The following NDST4 variants were observed in gnomAD, a reference collection of about 807,000 sequenced individuals.
The protein encoded by NDST4 is N-heparan sulfate sulfotransferase 4.
In NDST4, 63 loss-of-function variants were observed where a neutral mutation model predicts 100.8. The observed-to-expected ratio is 0.62, with a 90% confidence interval of 0.51 to 0.77. The LOEUF (loss-of-function observed/expected upper bound fraction) is 0.77, where lower values mean the gene tolerates loss of function less well. Among genes scored for constraint, NDST4 ranks in the 30% least tolerant of loss-of-function variants. The pLI is 0.00. For missense variants in NDST4, 943 were observed against 1,018.4 expected, an observed-to-expected ratio of 0.93 and a Z score of 1.01; for synonymous variants, 377 against 361.8, an observed-to-expected ratio of 1.04 and a Z score of -0.48.
chr4:114,884,153 A>G (rs1303590133), intron 6 of NDST4, among the ~76,000 whole-genome samples: 1 of 152,092 alleles, frequency 6.6e-6, no homozygotes, highest in South Asian at 2.1e-4. Flanking sequence ...TGCTGCCCAG[A>G]GCTGACGCTG....
At chr4:114,847,846 GATTT>G in intron 9 of NDST4, among the ~76,000 whole-genome samples, 1 of 152,228 alleles carries the variant, frequency 6.6e-6, no homozygotes. Flanking sequence ...ATAAACTACT[GATTT>G]ATTTGTTGCC....
At chr4:115,025,728 G>T (rs1462954694) in intron 2 of NDST4, among the ~76,000 whole-genome samples, 1 of 152,110 alleles carries the variant, frequency 6.6e-6, no homozygotes, top group African/African-American at 2.4e-5. Context: ...AATATGCAGA[G>T]ACATAATTTA....
chr4:114,909,223 G>C (rs1471330837), intron 6 of NDST4, among the ~76,000 whole-genome samples: 1 of 152,062 alleles, frequency 6.6e-6, no homozygotes, highest in Non-Finnish European at 1.5e-5. Flanking sequence ...TAATTAAAAA[G>C]TTAATGTTTT....
chr4:114,874,129 G>C (rs1724208243), intron 6 of NDST4, among the ~76,000 whole-genome samples: 1 of 152,134 alleles, frequency 6.6e-6, no homozygotes, highest in Non-Finnish European at 1.5e-5. Context: ...TAAGACACCT[G>C]TGAGAGTCTA....
At chr4:115,033,194 C>G (rs1224022877) in intron 2 of NDST4, among the ~76,000 whole-genome samples, 1 of 138,980 alleles carries the variant, frequency 7.2e-6, no homozygotes, top group Non-Finnish European at 1.5e-5. Context: ...CACTCTTTTG[C>G]CCAGGCTGGA....
At chr4:114,940,424 T>A (rs184938112) in intron 4 of NDST4, among the ~76,000 whole-genome samples, 14 of 152,354 alleles carry the variant, frequency 9.2e-5, no homozygotes, top group Admixed American at 2.6e-4. Context: ...CCCTTGATAA[T>A]TCCTACTGAT....
intron 6 of NDST4, among the ~76,000 whole-genome samples, chr4:114,934,689 G>A (rs934014059): frequency 2.0e-5 from 3 of 151,960 alleles, no homozygotes; most frequent in African/African-American, 7.2e-5. Flanking sequence ...GGATGAATAA[G>A]TTAATAGTTA....
At chr4:114,866,388 TGTTGTTCCTA>T (rs989983076) in intron 7 of NDST4, among the ~76,000 whole-genome samples, 2 of 152,194 alleles carry the variant, frequency 1.3e-5, no homozygotes, top group African/African-American at 4.8e-5. Flanking sequence ...GCCTATAGCT[TGTTGTTCCTA>T]ATTGCCTATC....
chr4:114,958,085 C>T (rs185062740), intron 4 of NDST4, among the ~76,000 whole-genome samples: 2 of 152,322 alleles, frequency 1.3e-5, no homozygotes, highest in East Asian at 1.9e-4. Flanking sequence ...CTAATCAGTG[C>T]CCCAGTGGGG....
intron 1 of NDST4, among the ~76,000 whole-genome samples, chr4:115,105,274 C>T (rs954621620): frequency 1.3e-5 from 2 of 152,066 alleles, no homozygotes; most frequent in Non-Finnish European, 2.9e-5. Context: ...TTTTCTTATT[C>T]ATTCCTCTAA....
chr4:115,068,965 A>G (rs575703), intron 2 of NDST4, among the ~76,000 whole-genome samples: 1 of 152,050 alleles, frequency 6.6e-6, no homozygotes, highest in African/African-American at 2.4e-5. Context: ...CCTTGAGGCA[A>G]AACTAGATGT....
intron 6 of NDST4, among the ~76,000 whole-genome samples, chr4:114,925,022 AT>A (rs1289340955): frequency 6.6e-6 from 1 of 152,150 alleles, no homozygotes; most frequent in Non-Finnish European, 1.5e-5. Context: ...CCTGGAACAC[AT>A]GTAGAAAATC....
At chr4:115,065,233 C>T (rs1355723186) in intron 2 of NDST4, among the ~76,000 whole-genome samples, 1 of 151,938 alleles carries the variant, frequency 6.6e-6, no homozygotes, top group Non-Finnish European at 1.5e-5. Flanking sequence ...ACTTTCCACT[C>T]CTTATCTCTT....
chr4:114,864,564 G>A (rs1723985135), intron 7 of NDST4, among the ~76,000 whole-genome samples: 1 of 152,144 alleles, frequency 6.6e-6, no homozygotes, highest in Non-Finnish European at 1.5e-5. Flanking sequence ...AATAGATTAA[G>A]GGTGTTTATT....
intron 12 of NDST4, among the ~76,000 whole-genome samples, chr4:114,832,246 T>C (rs2126180065): frequency 6.6e-6 from 1 of 152,328 alleles, no homozygotes; most frequent in Non-Finnish European, 1.5e-5. Context: ...TTGTTGTTAT[T>C]TCCATGTGTA....
chr4:115,056,768 C>T (rs1728703690), intron 2 of NDST4, among the ~76,000 whole-genome samples: 1 of 152,142 alleles, frequency 6.6e-6, no homozygotes, highest in African/African-American at 2.4e-5. Context: ...AAGACCATGA[C>T]TCTTCACATT....
At chr4:115,087,739 A>C (rs1315123602) in intron 1 of NDST4, among the ~76,000 whole-genome samples, 1 of 151,836 alleles carries the variant, frequency 6.6e-6, no homozygotes, top group Non-Finnish European at 1.5e-5. Flanking sequence ...TCCTGTTTAG[A>C]TGTAATATTA....
At chr4:115,057,676 T>C (rs1728725314) in intron 2 of NDST4, among the ~76,000 whole-genome samples, 1 of 151,552 alleles carries the variant, frequency 6.6e-6, no homozygotes, top group South Asian at 2.1e-4. Context: ...TAGATAGAAA[T>C]TTTCCACTTA....
chr4:114,946,092 A>T (rs1329939425), intron 4 of NDST4, among the ~76,000 whole-genome samples: 2 of 152,212 alleles, frequency 1.3e-5, no homozygotes, highest in South Asian at 2.1e-4. Flanking sequence ...CTGAAGGTCT[A>T]CTTTGCTGCT....
Sources: gnomAD v4.1 joint callset for allele counts (sites outside exome capture counted in the v4.1 genomes callset) on GRCh38, gnomAD v4.1.1 for gene constraint, MANE v1.5 for transcripts, NCBI Gene and HGNC (gene_info 2026-07-23, HGNC 2026-07-21) for gene names.